Variants in TMEM132D observed in about 807,000 individuals in gnomAD.
TMEM132D encodes mature OL transmembrane protein.
A neutral mutation model predicts 62.3 loss-of-function variants in TMEM132D; 21 were observed. The ratio of observed to expected loss-of-function variants is 0.34; its 90% confidence interval spans 0.24 to 0.49. The LOEUF (loss-of-function observed/expected upper bound fraction) is 0.49, where lower values mean the gene tolerates loss of function less well. TMEM132D is among the 20% of genes least tolerant of loss of function. The probability of loss-of-function intolerance (pLI) is 0.99; values close to 1 mark genes in which losing one functional copy is unlikely to be tolerated. For missense variants in TMEM132D, 1,346 were observed against 1,402.8 expected, an observed-to-expected ratio of 0.96 and a Z score of 0.65; for synonymous variants, 621 against 575.6, an observed-to-expected ratio of 1.08 and a Z score of -1.13.
Position 129,832,035 on chromosome 12 carries a change from C to CTTTTTTTTTTTTTT in TMEM132D, c.79+71212_79+71225dup, listed in dbSNP as rs71085577. On this transcript the variant is annotated intron_variant, in intron 1 of 8. Coordinates refer to ENST00000422113, the MANE Select transcript of TMEM132D (RefSeq NM_133448.3). ...CAGGCACCTGCCACCATGCCCGGCT[C>CTTTTTTTTTTTTTT]TTTTTTTTTTTTTTTTTTTTTTTTT... 5.4e-4 allele frequency among the ~76,000 whole-genome samples: 51 copies of CTTTTTTTTTTTTTT among 94,146 alleles called. 2 individuals carry two copies. Among genetic ancestry groups the CTTTTTTTTTTTTTT allele is most frequent in the Non-Finnish European group, 8.6e-4 (45 of 52,304 alleles). 61.8% of individuals were successfully genotyped at this position (94,146 alleles called of 152,430 possible). A position where few individuals can be genotyped will look rare whatever the true frequency, so the allele number is the denominator to read the frequency against.
intron 5 of TMEM132D, among the ~76,000 whole-genome samples, chr12:129,139,432 G>A (rs145181026): frequency 6.0e-4 from 91 of 152,318 alleles, no homozygotes; most frequent in African/African-American, 1.8e-3. Context: ...AGCAGCACCA[G>A]TGCAATCCTG....
chr12:129,777,102 C>T (rs1029881229), intron 1 of TMEM132D, among the ~76,000 whole-genome samples: 1 of 152,162 alleles, frequency 6.6e-6, no homozygotes, highest in African/African-American at 2.4e-5. Flanking sequence ...TGTAAACCTT[C>T]CCCAGGGCAA....
At chr12:129,653,239 C>T (rs1879978309) in intron 2 of TMEM132D, among the ~76,000 whole-genome samples, 1 of 152,030 alleles carries the variant, frequency 6.6e-6, no homozygotes. Flanking sequence ...GGGAGGAGAA[C>T]GGCTCAAATG....
intron 1 of TMEM132D, among the ~76,000 whole-genome samples, chr12:129,738,534 C>T (rs78514206): frequency 6.6e-4 from 101 of 152,324 alleles, no homozygotes; most frequent in African/African-American, 1.3e-3. Flanking sequence ...AAAACCCCAA[C>T]ACGCTGTAGC....
intron 3 of TMEM132D, among the ~76,000 whole-genome samples, chr12:129,394,487 C>T (rs1871367917): frequency 6.6e-6 from 1 of 152,184 alleles, no homozygotes; most frequent in Non-Finnish European, 1.5e-5. Context: ...TACACCTCTC[C>T]GGGCCTGCGT....
At chr12:129,481,609 G>A (rs898879382) in intron 3 of TMEM132D, among the ~76,000 whole-genome samples, 2 of 152,106 alleles carry the variant, frequency 1.3e-5, no homozygotes, top group Non-Finnish European at 2.9e-5. Context: ...AAGGAAATGG[G>A]AATTTAAAAG....
chr12:129,596,025 G>A (rs1476357853), intron 2 of TMEM132D, among the ~76,000 whole-genome samples: 2 of 152,206 alleles, frequency 1.3e-5, no homozygotes, highest in East Asian at 3.8e-4. Context: ...ACAAAGTCCT[G>A]GCTAGAGTTT....
chr12:129,442,620 TG>T (rs1467872147), intron 3 of TMEM132D, among the ~76,000 whole-genome samples: 1 of 122,114 alleles, frequency 8.2e-6, no homozygotes, highest in Non-Finnish European at 1.6e-5. Flanking sequence ...ATGACCAGCA[TG>T]GTCATCTAGT....
At chr12:129,370,940 G>T (rs1010141687) in intron 3 of TMEM132D, among the ~76,000 whole-genome samples, 11 of 152,016 alleles carry the variant, frequency 7.2e-5, no homozygotes, top group Non-Finnish European at 1.3e-4. Context: ...TTAGATAGAA[G>T]AACTATGTTT....
intron 5 of TMEM132D, among the ~76,000 whole-genome samples, chr12:129,188,576 A>G (rs544594705): frequency 6.6e-6 from 1 of 152,288 alleles, no homozygotes; most frequent in African/African-American, 2.4e-5. Flanking sequence ...GTTTCCAACT[A>G]GGGACAGTTT....
At chr12:129,131,728 G>A (rs945025546) in intron 5 of TMEM132D, among the ~76,000 whole-genome samples, 2 of 152,162 alleles carry the variant, frequency 1.3e-5, no homozygotes, top group Admixed American at 6.5e-5. Flanking sequence ...GGAGCACCAG[G>A]TGATACAGAT....
intron 3 of TMEM132D, among the ~76,000 whole-genome samples, chr12:129,401,216 G>A (rs1871611574): frequency 1.3e-5 from 2 of 152,208 alleles, no homozygotes; most frequent in Admixed American, 1.3e-4. Flanking sequence ...CAGAGCAGGT[G>A]TTTACATAAA....
At chr12:129,446,149 G>A (rs1360514783) in intron 3 of TMEM132D, among the ~76,000 whole-genome samples, 4 of 152,190 alleles carry the variant, frequency 2.6e-5, no homozygotes, top group Admixed American at 6.5e-5. Flanking sequence ...GCTGGTGGAT[G>A]TAGGGGGATT....
In TMEM132D at chr12:129,605,612, CATATAT is replaced by C. The variant is rs1182628228; in HGVS notation, c.969-74413_969-74408del. Among the ~76,000 whole-genome samples, 25 of 77,258 alleles carry C rather than the reference CATATAT, an allele frequency of 3.2e-4. 2 individuals carry two copies. Among genetic ancestry groups the C allele is most frequent in the African/African-American group, 1.4e-3 (25 of 17,356 alleles). 50.7% of individuals were successfully genotyped at this position (77,258 alleles called of 152,430 possible). On this transcript the variant is annotated intron_variant, in intron 2 of 8. Transcript: ENST00000422113. Reference sequence around the variant, plus strand: ...TTATATATATATATATATACACACACATATATATATACACACACACACACACACACA... The same window carrying C: ...TTATATATATATATATATACACACACATATACACACACACACACACACACA...
chr12:129,157,062 CAATAACTAGCCCACTCCTAA>C (rs938936278), intron 5 of TMEM132D, among the ~76,000 whole-genome samples: 3 of 152,034 alleles, frequency 2.0e-5, no homozygotes, highest in East Asian at 1.9e-4. Flanking sequence ...TCAACTTCTC[CAATAACTAGCCCACTCCTAA>C]AATAACTAGC....
chr12:129,627,979 C>G (rs1373161310), intron 2 of TMEM132D, among the ~76,000 whole-genome samples: 1 of 152,134 alleles, frequency 6.6e-6, no homozygotes, highest in Non-Finnish European at 1.5e-5. Flanking sequence ...AAAGTGAGAT[C>G]TTGTCTCCAA....
intron 4 of TMEM132D, among the ~76,000 whole-genome samples, chr12:129,230,218 C>T (rs1229504736): frequency 6.7e-6 from 1 of 150,292 alleles, no homozygotes; most frequent in African/African-American, 2.5e-5. Context: ...TCTGCTACTT[C>T]CCCAGCCTGG....
chr12:129,486,036 T>C (rs1469701757), intron 3 of TMEM132D, among the ~76,000 whole-genome samples: 1 of 152,210 alleles, frequency 6.6e-6, no homozygotes, highest in Non-Finnish European at 1.5e-5. Flanking sequence ...GGCTTCCTGT[T>C]GATGCCGGAA....
intron 1 of TMEM132D, among the ~76,000 whole-genome samples, chr12:129,726,027 C>T (rs949310064): frequency 3.3e-5 from 5 of 152,166 alleles, no homozygotes; most frequent in African/African-American, 1.2e-4. Flanking sequence ...GTCACCAGTC[C>T]CTAGTAAAAA....
Sources: gnomAD v4.1 joint callset for allele counts (sites outside exome capture counted in the v4.1 genomes callset) on GRCh38, gnomAD v4.1.1 for gene constraint, MANE v1.5 for transcripts, NCBI Gene and HGNC (gene_info 2026-07-23, HGNC 2026-07-21) for gene names.